The following NPSR1 variants were observed in gnomAD, a reference collection of about 807,000 sequenced individuals.
The protein encoded by NPSR1 is neuropeptide S receptor.
In NPSR1, 48 loss-of-function variants were observed where a neutral mutation model predicts 46.9. The observed-to-expected ratio is 1.02, with a 90% CI of 0.81 to 1.30. The LOEUF (loss-of-function observed/expected upper bound fraction) is 1.30, where lower values mean the gene tolerates loss of function less well. Among genes scored for constraint, NPSR1 ranks in the 50% most tolerant of loss-of-function variants. The pLI is 0.00. For synonymous variants in NPSR1, 176 were observed against 168.1 expected, an observed-to-expected ratio of 1.05 and a Z score of -0.36; for missense variants, 450 against 449.5, an observed-to-expected ratio of 1.00 and a Z score of -0.01.
At chr7:34,693,807 A>C (rs1793381620) in intron 2 of NPSR1, among the ~76,000 whole-genome samples, 1 of 152,218 alleles carries the variant, frequency 6.6e-6, no homozygotes, top group Non-Finnish European at 1.5e-5. Context: ...CATCACAATC[A>C]AGTGAGTTTT....
At chr7:34,698,581 C>T (rs1318660507) in intron 2 of NPSR1, among the ~76,000 whole-genome samples, 1 of 152,152 alleles carries the variant, frequency 6.6e-6, no homozygotes, top group African/African-American at 2.4e-5. Flanking sequence ...GACTTTCTTA[C>T]AACAACTGAT....
chr7:34,819,851 C>T (rs927006974), intron 4 of NPSR1, among the ~76,000 whole-genome samples: 3 of 152,132 alleles, frequency 2.0e-5, no homozygotes, highest in African/African-American at 7.2e-5. Context: ...TGTTCTCACT[C>T]ATAGGTGGGA....
At chr7:34,712,327 C>A (rs1783340724) in intron 2 of NPSR1, among the ~76,000 whole-genome samples, 1 of 152,164 alleles carries the variant, frequency 6.6e-6, no homozygotes, top group Admixed American at 6.5e-5. Flanking sequence ...TCTACTTTTC[C>A]ATTTTTCATG....
intron 2 of NPSR1, among the ~76,000 whole-genome samples, chr7:34,764,602 C>T (rs1216335281): frequency 6.6e-6 from 1 of 152,180 alleles, no homozygotes; most frequent in African/African-American, 2.4e-5. Flanking sequence ...CCTTCCTAGA[C>T]ACTTCCCCAA....
chr7:34,770,498 C>T (rs545753682), intron 2 of NPSR1, among the ~76,000 whole-genome samples: 55 of 152,194 alleles, frequency 3.6e-4, no homozygotes, highest in African/African-American at 1.3e-3. Context: ...CTCAGAGGGT[C>T]ACATAACATT....
chr7:34,727,088 G>A (rs990162712), intron 2 of NPSR1, among the ~76,000 whole-genome samples: 1 of 152,156 alleles, frequency 6.6e-6, no homozygotes, highest in African/African-American at 2.4e-5. Flanking sequence ...GATATTGAGA[G>A]CAGGGAGTGG....
intron 5 of NPSR1, among the ~76,000 whole-genome samples, chr7:34,833,787 T>C (rs1584119192): frequency 6.6e-6 from 1 of 152,122 alleles, no homozygotes; most frequent in South Asian, 2.1e-4. Context: ...CTCCCTCAGG[T>C]CCTTAGCAGA....
intron 1 of NPSR1, among the ~76,000 whole-genome samples, chr7:34,667,669 G>A (rs1179463980): frequency 2.0e-5 from 3 of 152,070 alleles, no homozygotes; most frequent in Non-Finnish European, 4.4e-5. Context: ...GTAGGTGGTT[G>A]GAAAGGAATA....
chr7:34,749,543 C>T (rs1377218789), intron 2 of NPSR1, among the ~76,000 whole-genome samples: 1 of 152,174 alleles, frequency 6.6e-6, no homozygotes, highest in African/African-American at 2.4e-5. Flanking sequence ...AAAGCAATTA[C>T]CTGGCAAACA....
At chr7:34,861,053 G>A (rs2128767895) in intron 8 of NPSR1, among the ~76,000 whole-genome samples, 1 of 151,962 alleles carries the variant, frequency 6.6e-6, no homozygotes, top group Middle Eastern at 3.4e-3. Context: ...CTAACTTATA[G>A]CCAATGCTGA....
At chr7:34,791,174 T>TTATATATAATATGTTA (rs1787847089) in intron 3 of NPSR1, among the ~76,000 whole-genome samples, 1 of 110,320 alleles carries the variant, frequency 9.1e-6, no homozygotes, top group South Asian at 2.4e-4. Flanking sequence ...ATGTTATATA[T>TTATATATAATATGTTA]TATATTATAT....
At chr7:34,669,097 G>C (rs978021939) in intron 1 of NPSR1, among the ~76,000 whole-genome samples, 2 of 152,188 alleles carry the variant, frequency 1.3e-5, no homozygotes, top group Non-Finnish European at 2.9e-5. Context: ...TAAGGCGCAT[G>C]CTCTTTCCAC....
Position 34,746,808 on chromosome 7 carries a change from G to A in NPSR1, c.281-31654G>A, listed in dbSNP as rs151260222. 1.3e-3 allele frequency among the ~76,000 whole-genome samples: 200 copies of A among 152,080 alleles called. 2 individuals are homozygous for A. The highest frequency in any genetic ancestry group is 4.7e-3 in the African/African-American group (195 of 41,466). ...TGGGAAAGAGTGAGGAGTATGCAGG[G>A]AGGAGGAGACAAGAGCTTAAACATG... On this transcript the variant is annotated intron_variant, in intron 2 of 8. Transcript: ENST00000360581.
At chr7:34,796,243 A>G (rs1487854039) in intron 3 of NPSR1, among the ~76,000 whole-genome samples, 1 of 152,186 alleles carries the variant, frequency 6.6e-6, no homozygotes, top group African/African-American at 2.4e-5. Flanking sequence ...AAAAACGAAC[A>G]TAAAAGAAAA....
chr7:34,726,517 C>T (rs1272914609), intron 2 of NPSR1, among the ~76,000 whole-genome samples: 1 of 152,156 alleles, frequency 6.6e-6, no homozygotes, highest in Admixed American at 6.5e-5. Flanking sequence ...TGGTATTTAT[C>T]CAAATGAATT....
intron 2 of NPSR1, among the ~76,000 whole-genome samples, chr7:34,690,055 G>C (rs997493930): frequency 2.0e-5 from 3 of 151,900 alleles, no homozygotes; most frequent in African/African-American, 7.3e-5. Flanking sequence ...CAGCCTTATA[G>C]GAGGCAGTGA....
intron 1 of NPSR1, among the ~76,000 whole-genome samples, chr7:34,681,504 C>T (rs574980608): frequency 2.0e-5 from 3 of 152,272 alleles, no homozygotes; most frequent in South Asian, 2.1e-4. Context: ...TCTTCTCCCA[C>T]GTGGATGAAC....
At chr7:34,663,583 C>T (rs1269845347) in intron 1 of NPSR1, among the ~76,000 whole-genome samples, 1 of 152,188 alleles carries the variant, frequency 6.6e-6, no homozygotes, top group Non-Finnish European at 1.5e-5. Flanking sequence ...CTCTCTTCCT[C>T]CGCTTTTTCC....
chr7:34,751,052 G>C, intron 2 of NPSR1: 1 of 776,464 alleles, frequency 1.3e-6, no homozygotes, highest in Non-Finnish European at 2.4e-6. Context: ...TGAGCAGCAT[G>C]GCCATCTCAC....
Sources: allele counts gnomAD v4.1 joint callset (sites outside exome capture counted in the v4.1 genomes callset), GRCh38; gene constraint gnomAD v4.1.1; transcripts MANE v1.5; gene names NCBI Gene and HGNC (gene_info 2026-07-23, HGNC 2026-07-21).